Variants in LYSMD4 observed in about 807,000 individuals in gnomAD.
LYSMD4 encodes the protein lysM and putative peptidoglycan-binding domain-containing protein 4.
Under a neutral mutation model 6.1 loss-of-function variants are expected in LYSMD4, and 9 were observed. The observed-to-expected ratio is 1.47, with a 90% CI of 0.88 to 2.56. LYSMD4 has a LOEUF of 2.56. Ranked by LOEUF, LYSMD4 falls within the 30% of genes most tolerant of loss-of-function variation. LYSMD4 has a pLI of 0.00. For synonymous variants in LYSMD4, 143 were observed against 148.5 expected (o/e 0.96, Z 0.27); for missense variants, 384 against 373.5 (o/e 1.03, Z -0.23).
chr15:99,719,664 C>CA, upstream of LYSMD4, among the ~76,000 whole-genome samples: 1 of 152,256 alleles, frequency 6.6e-6, no homozygotes, highest in Non-Finnish European at 1.5e-5. Flanking sequence ...CTGCAGTCGT[C>CA]AATGAATAGC....
rs1185052375 is a variant in LYSMD4 at position 99,731,824 on chromosome 15, C to A, written c.176G>T (p.Gly59Val). ...RPRGKERHKS[G>V]VHQPPQAGAG... is the part of the protein sequence containing the mutation. Reference sequence around the variant, plus strand: ...TCCCGCCTGGGGAGGCTGGTGGACACCGCTCTTGTGGCGCTCCTTGCCCCG... The same window carrying A: ...TCCCGCCTGGGGAGGCTGGTGGACAACGCTCTTGTGGCGCTCCTTGCCCCG... The change falls in exon 2 of 3, where the codon GGT becomes GTT. Residue 59 changes from glycine to valine, a missense_variant. By Grantham distance (109) the Gly-to-Val change is moderately radical (BLOSUM62 -3). Coordinates refer to ENST00000684762, the MANE Select transcript of LYSMD4 (RefSeq NM_001284417.2). 1 of 1,612,826 alleles carries A rather than the reference C, an allele frequency of 6.2e-7. No homozygotes were observed. Among genetic ancestry groups the A allele is most frequent in the Non-Finnish European group, 8.5e-7 (1 of 1,180,042 alleles).
At chr15:99,731,269 C>T in intron 2 of LYSMD4, 3 of 1,601,466 alleles carry the variant, frequency 1.9e-6, no homozygotes, top group Middle Eastern at 1.7e-4. Flanking sequence ...CAGTTCTAAA[C>T]GAGAGAAGGT....
Position 99,731,827 on chromosome 15 carries a change from C to A in LYSMD4, c.173G>T (p.Ser58Ile). ...LRPRGKERHKSGVHQPPQAGA... is the reference protein window; with the variant it reads ...LRPRGKERHKIGVHQPPQAGA... The stretch of plus-strand genomic sequence containing the variant: ...CGCCTGGGGAGGCTGGTGGACACCG[C>A]TCTTGTGGCGCTCCTTGCCCCGGGG... The change falls in exon 2 of 3, where the codon AGC becomes ATC. Residue 58 changes from serine to isoleucine, a missense_variant. Coordinates refer to ENST00000684762, the MANE Select transcript of LYSMD4 (RefSeq NM_001284417.2). The A allele has an allele frequency of 1.2e-6, 2 of 1,612,942 alleles. No homozygotes were observed. Among genetic ancestry groups the A allele is most frequent in the South Asian group, 1.1e-5 (1 of 91,046 alleles).
chr15:99,717,584 C>G (rs2153866902), exon 1 of LYSMD4: 2 of 118,704 alleles, frequency 1.7e-5, no homozygotes, highest in East Asian at 4.8e-4. Flanking sequence ...AGAGGTAAGC[C>G]CTGATCCCAG....
chr15:99,722,315 G>A (rs923472987), upstream of LYSMD4, among the ~76,000 whole-genome samples: 4 of 152,150 alleles, frequency 2.6e-5, no homozygotes, highest in South Asian at 2.1e-4. Context: ...GCCTTGCCCC[G>A]GGAGCAGGGC....
At chr15:99,719,058 G>A (rs1478993823), upstream of LYSMD4, among the ~76,000 whole-genome samples, 5 of 152,170 alleles carry the variant, frequency 3.3e-5, no homozygotes, top group Non-Finnish European at 7.3e-5. Context: ...ATTATCTACA[G>A]TCCTTTTACT....
At chr15:99,733,002 C>CA in intron 1 of LYSMD4, 1 of 212,242 alleles carries the variant, frequency 4.7e-6, no homozygotes, top group Non-Finnish European at 9.4e-6. Context: ...GGCAGCAGCT[C>CA]CAGGCCCGCT....
downstream of LYSMD4, among the ~76,000 whole-genome samples, chr15:99,725,444 C>A (rs1032149694): frequency 1.3e-5 from 2 of 152,294 alleles, no homozygotes; most frequent in South Asian, 2.1e-4. Flanking sequence ...GCGGCCTCCA[C>A]GATCGCGATG....
downstream of LYSMD4, among the ~76,000 whole-genome samples, chr15:99,726,180 C>A (rs994471022): frequency 1.8e-5 from 2 of 111,744 alleles, no homozygotes; most frequent in African/African-American, 6.7e-5. Flanking sequence ...CCGCCTGAGT[C>A]TCGCTTTATC....
upstream of LYSMD4, among the ~76,000 whole-genome samples, chr15:99,722,344 A>G (rs979739379): frequency 3.3e-5 from 5 of 152,290 alleles, no homozygotes; most frequent in Admixed American, 2.0e-4. Context: ...TGCTCACTAC[A>G]TGCTGCTCTA....
chr15:99,730,658 T>A (rs1368189574), intron 2 of LYSMD4, among the ~76,000 whole-genome samples: 1 of 152,246 alleles, frequency 6.6e-6, no homozygotes, highest in Admixed American at 6.5e-5. Context: ...ATGTCCTGAA[T>A]CTAATGCATG....
Position 99,729,200 on chromosome 15 carries a change from G to A in LYSMD4, c.814C>T (p.Pro272Ser), listed in dbSNP as rs772056491. Residue 272 changes from proline to serine, a missense_variant, in exon 3 of 3, where the codon CCC (proline) becomes TCC (serine). Pro to Ser is a moderately conservative substitution (Grantham distance 74). Coordinates refer to ENST00000684762, the MANE Select transcript of LYSMD4 (RefSeq NM_001284417.2). ...GCTGGCACTGCAACTGCTAGTCTGG[G>A]GGCTTGCCCTGGAACTGTACCCATT... Reference protein sequence around the residue: ...MAMGTVPGQAPRLAVAVPAVT... With the variant: ...MAMGTVPGQASRLAVAVPAVT... 6.8e-6 allele frequency: 11 copies of A among 1,614,106 alleles called. No individual in the cohort carries two copies. The highest frequency in any genetic ancestry group is 8.5e-6 in the Non-Finnish European group (10 of 1,180,044).
chr15:99,726,146 G>GTTTT (rs10637642), downstream of LYSMD4, among the ~76,000 whole-genome samples: 2,100 of 62,120 alleles, frequency 0.034, 216 homozygotes, highest in African/African-American at 0.091. Context: ...GTCTCAAGTG[G>GTTTT]TTTTTTTTTT....
At chr15:99,718,580 G>A (rs559898427), upstream of LYSMD4, among the ~76,000 whole-genome samples, 5 of 152,210 alleles carry the variant, frequency 3.3e-5, no homozygotes, top group East Asian at 1.9e-4. Flanking sequence ...TTGTGGACTC[G>A]GATTTTATTT....
exon 1 of LYSMD4, chr15:99,716,888 T>C: frequency 2.9e-6 from 1 of 350,304 alleles, no homozygotes; most frequent in Non-Finnish European, 5.7e-6. Context: ...CTGGGTCTCT[T>C]TAAAGTCTAG....
At chr15:99,726,201 C>T (rs1349949349), downstream of LYSMD4, among the ~76,000 whole-genome samples, 1 of 128,942 alleles carries the variant, frequency 7.8e-6, no homozygotes, top group African/African-American at 2.9e-5. Flanking sequence ...TCCCAGATCT[C>T]GGCCCGATCT....
downstream of LYSMD4, among the ~76,000 whole-genome samples, chr15:99,725,429 C>T (rs1567547367): frequency 1.3e-5 from 2 of 152,116 alleles, no homozygotes; most frequent in Non-Finnish European, 2.9e-5. Flanking sequence ...AAGCTCGGAG[C>T]CTTTGCGGCC....
downstream of LYSMD4, among the ~76,000 whole-genome samples, chr15:99,725,326 T>C (rs1283145863): frequency 6.6e-6 from 1 of 152,228 alleles, no homozygotes; most frequent in South Asian, 2.1e-4. Context: ...TGCTAAACCA[T>C]AACAGCTATA....
downstream of LYSMD4, among the ~76,000 whole-genome samples, chr15:99,726,153 T>TTTTTTG (rs1368504803): frequency 2.2e-5 from 3 of 133,970 alleles, no homozygotes; most frequent in Non-Finnish European, 4.9e-5. Flanking sequence ...GTGGTTTTTT[T>TTTTTTG]TTTTTTTTTT....
Sources: allele counts gnomAD v4.1 joint callset (sites outside exome capture counted in the v4.1 genomes callset), GRCh38; gene constraint gnomAD v4.1.1; transcripts MANE v1.5; gene names NCBI Gene and HGNC (gene_info 2026-07-23, HGNC 2026-07-21).